Variants in ANO4 observed in about 807,000 individuals in gnomAD.
ANO4 encodes anoctamin 4.
Under a neutral mutation model 141.9 loss-of-function variants are expected in ANO4, and 69 were observed. The observed-to-expected ratio is 0.49, with a 90% CI of 0.40 to 0.59. ANO4 has a LOEUF of 0.59. Ranked by LOEUF, ANO4 falls within the 20% of genes least tolerant of loss-of-function variation. ANO4 has a pLI of 0.00. For synonymous variants in ANO4, 350 were observed against 394.3 expected (o/e 0.89, Z 1.33); for missense variants, 894 against 1,162.2 (o/e 0.77, Z 3.36).
At chr12:101,081,292 C>T (rs1331147106) in intron 15 of ANO4, among the ~76,000 whole-genome samples, 1 of 151,976 alleles carries the variant, frequency 6.6e-6, no homozygotes, top group East Asian at 1.9e-4. Flanking sequence ...CTAAATTTTC[C>T]CCTTCTATCT....
intron 17 of ANO4, among the ~76,000 whole-genome samples, chr12:101,091,612 G>T (rs1387745753): frequency 6.6e-6 from 1 of 152,070 alleles, no homozygotes; most frequent in East Asian, 1.9e-4. Context: ...ACCCAATATA[G>T]ATTTTTTACA....
chr12:101,066,129 A>G (rs1334766259), intron 14 of ANO4, among the ~76,000 whole-genome samples: 1 of 152,256 alleles, frequency 6.6e-6, no homozygotes, highest in African/African-American at 2.4e-5. Flanking sequence ...AATAAAAGCC[A>G]CATATGACAG....
chr12:101,039,461 C>T (rs1050647731), intron 10 of ANO4, among the ~76,000 whole-genome samples: 5 of 151,900 alleles, frequency 3.3e-5, no homozygotes, highest in South Asian at 2.1e-4. Context: ...GCTGAGATTG[C>T]GCCACTGCAC....
chr12:100,889,456 A>G (rs1307175166), intron 1 of ANO4, among the ~76,000 whole-genome samples: 2 of 152,196 alleles, frequency 1.3e-5, no homozygotes, highest in Non-Finnish European at 2.9e-5. Flanking sequence ...GAATCGCCAC[A>G]CTGACTTCCA....
intron 1 of ANO4, among the ~76,000 whole-genome samples, chr12:100,796,718 G>A (rs770255165): frequency 6.6e-6 from 1 of 151,654 alleles, no homozygotes; most frequent in African/African-American, 2.4e-5. Context: ...ACACTCGATT[G>A]TGGTTCGCGG....
intron 15 of ANO4, 54 bp downstream of exon 15, chr12:101,079,329 C>A: frequency 7.0e-7 from 1 of 1,426,728 alleles, no homozygotes; most frequent in Non-Finnish European, 9.7e-7. Flanking sequence ...CAGAACCACA[C>A]GACCCCCCCC....
chr12:101,020,209 T>C, intron 9 of ANO4, 69 bp downstream of exon 9: 1 of 1,117,776 alleles, frequency 8.9e-7, no homozygotes, highest in Admixed American at 2.1e-5. Flanking sequence ...CCCTTGGTTT[T>C]ATTAAGTTTG....
chr12:100,791,734 C>G (rs766269816), upstream of ANO4, among the ~76,000 whole-genome samples: 6 of 152,180 alleles, frequency 3.9e-5, no homozygotes, highest in Non-Finnish European at 8.8e-5. Context: ...TGAGGCTGTT[C>G]CAGTTGTTCC....
At chr12:100,731,022 G>C (rs924502439) in intron 1 of ANO4, among the ~76,000 whole-genome samples, 3 of 152,080 alleles carry the variant, frequency 2.0e-5, no homozygotes, top group Admixed American at 6.6e-5. Flanking sequence ...TCTCTGTCCA[G>C]GTACCTGCTG....
intron 3 of ANO4, among the ~76,000 whole-genome samples, chr12:100,746,923 C>T (rs2032138857): frequency 6.6e-6 from 1 of 151,724 alleles, no homozygotes; most frequent in African/African-American, 2.4e-5. Context: ...AATTGTATCT[C>T]ATGCTGCACC....
chr12:101,097,397 G>T (rs1418531811), intron 19 of ANO4, among the ~76,000 whole-genome samples: 1 of 152,170 alleles, frequency 6.6e-6, no homozygotes, highest in Non-Finnish European at 1.5e-5. Context: ...AGCAGAAAAT[G>T]TTGAAAGTCC....
At chr12:101,038,116 A>G (rs1260233300) in intron 10 of ANO4, among the ~76,000 whole-genome samples, 3 of 152,212 alleles carry the variant, frequency 2.0e-5, no homozygotes, top group Non-Finnish European at 4.4e-5. Context: ...GAAAACCAGA[A>G]GCTGCCATCT....
At position 101,025,670 on chromosome 12, in the gene ANO4, G is replaced by A. The variant is rs181265875; in HGVS notation, c.841+5530G>A. 2.1e-3 allele frequency among the ~76,000 whole-genome samples: 322 copies of A among 152,254 alleles called. 1 individual carries two copies. The highest frequency in any genetic ancestry group is 7.3e-3 in the African/African-American group (303 of 41,558). On this transcript the variant is annotated intron_variant, in intron 9 of 27. Coordinates refer to ENST00000392977, the MANE Select transcript of ANO4 (RefSeq NM_001286615.2). The stretch of plus-strand genomic sequence containing the variant: ...AATACTCAGAAAAGTCTTTCCTCCT[G>A]CAAACATAAAGAAAATTTAGCAAAT...
intron 1 of ANO4, among the ~76,000 whole-genome samples, chr12:100,802,114 C>G (rs545632954): frequency 1.3e-5 from 2 of 152,134 alleles, no homozygotes; most frequent in Admixed American, 1.3e-4. Flanking sequence ...GGGAGTTTAG[C>G]ATTGAGATCA....
At chr12:100,846,948 C>G (rs115209722) in intron 1 of ANO4, among the ~76,000 whole-genome samples, 16,917 of 67,054 alleles carry the variant, frequency 0.25, 1,017 homozygotes, top group Admixed American at 0.33. Flanking sequence ...CTTCCACACC[C>G]CCCCCCAACT....
chr12:100,819,903 T>C (rs2035942424), intron 1 of ANO4, among the ~76,000 whole-genome samples: 1 of 151,974 alleles, frequency 6.6e-6, no homozygotes, highest in Non-Finnish European at 1.5e-5. Flanking sequence ...TGAATCACCA[T>C]GAATGGTGCC....
At chr12:100,933,366 G>A (rs555416137) in intron 3 of ANO4, among the ~76,000 whole-genome samples, 5 of 152,186 alleles carry the variant, frequency 3.3e-5, no homozygotes, top group South Asian at 2.1e-4. Flanking sequence ...GAGAGCATGC[G>A]GTGTTTGGCT....
intron 8 of ANO4, among the ~76,000 whole-genome samples, chr12:101,001,210 G>A (rs373265712): frequency 6.6e-6 from 1 of 152,080 alleles, no homozygotes; most frequent in East Asian, 1.9e-4. Flanking sequence ...AAAATAAGGA[G>A]GGGTTAACCT....
chr12:100,981,989 T>C lies in ANO4; in HGVS notation c.603-5550T>C, dbSNP rs564875705. 4.4e-4 allele frequency among the ~76,000 whole-genome samples: 67 copies of C among 152,294 alleles called. 1 individual carries two copies. The highest frequency in any genetic ancestry group is 1.5e-3 in the African/African-American group (61 of 41,554). On this transcript the variant is annotated intron_variant, in intron 7 of 27. Transcript: ENST00000392977. ...AGCCATCGCAGAGCTGGCAAGTTTG[T>C]ACCCATTTGCTTATACTGTATTGTC... is the stretch of plus-strand genomic sequence containing the variant.
Sources: gnomAD v4.1 joint callset for allele counts (sites outside exome capture counted in the v4.1 genomes callset) on GRCh38, gnomAD v4.1.1 for gene constraint, MANE v1.5 for transcripts, NCBI Gene and HGNC (gene_info 2026-07-23, HGNC 2026-07-21) for gene names.